CERS3: variants seen among roughly 807,000 people sequenced by gnomAD.
CERS3 encodes LAG1 homolog, ceramide synthase 3.
In CERS3, 33 loss-of-function variants were observed where a neutral mutation model predicts 50.3. The observed-to-expected ratio is 0.66, with a 90% CI of 0.50 to 0.88. The LOEUF (loss-of-function observed/expected upper bound fraction) is 0.88. CERS3 is among the 40% of genes least tolerant of loss of function. The pLI is 0.00. For synonymous variants in CERS3, 176 were observed against 155.2 expected, an observed-to-expected ratio of 1.13 and a Z score of -0.99; for missense variants, 470 against 460.3, an observed-to-expected ratio of 1.02 and a Z score of -0.19.
intron 11 of CERS3, among the ~76,000 whole-genome samples, chr15:100,445,964 C>G (rs1003537775): frequency 2.6e-5 from 4 of 152,174 alleles, no homozygotes; most frequent in Admixed American, 2.0e-4. Flanking sequence ...AATTCCTTCT[C>G]CTGGCTCATC....
chr15:100,506,747 G>T (rs2036195956), intron 2 of CERS3, among the ~76,000 whole-genome samples: 1 of 152,168 alleles, frequency 6.6e-6, no homozygotes, highest in Non-Finnish European at 1.5e-5. Flanking sequence ...TAGGTTAGTA[G>T]CTCCTCAGTG....
At chr15:100,507,375 T>C (rs2654617) in intron 2 of CERS3, among the ~76,000 whole-genome samples, 144,463 of 152,064 alleles carry the variant, frequency 0.95, 68,780 homozygotes, top group Middle Eastern at 0.99. Context: ...GCCTCATCTT[T>C]TCTCAAGATG....
chr15:100,445,877 G>A (rs1210719922), intron 11 of CERS3, among the ~76,000 whole-genome samples: 4 of 152,098 alleles, frequency 2.6e-5, no homozygotes, highest in Non-Finnish European at 5.9e-5. Flanking sequence ...GCCTGTTCCT[G>A]CCGTAACTGA....
At chr15:100,453,213 G>T (rs777406599) in intron 11 of CERS3, among the ~76,000 whole-genome samples, 4 of 151,942 alleles carry the variant, frequency 2.6e-5, no homozygotes, top group Non-Finnish European at 4.4e-5. Context: ...AATACTACAG[G>T]TCAATATCCC....
chr15:100,519,055 A>G (rs562710945), intron 2 of CERS3, among the ~76,000 whole-genome samples: 3 of 151,994 alleles, frequency 2.0e-5, no homozygotes, highest in African/African-American at 7.3e-5. Context: ...GCTACTCAGG[A>G]TGCTGAGGCA....
intron 9 of CERS3, 39 bp from the exon 10 acceptor site, chr15:100,469,523 G>A (rs756732139): frequency 8.1e-6 from 11 of 1,358,058 alleles, no homozygotes; most frequent in Non-Finnish European, 1.1e-5. Context: ...AGTGACAATA[G>A]CCTACATTTT....
rs79419976 is a variant in CERS3, at chr15:100,402,135, T to C, written c.*578A>G. ...TGACCCCACGGTTGACAGTGTGTACTTAAACTTCTGTGATCTCACTTAATC... is the reference window on the plus strand; with the variant it reads ...TGACCCCACGGTTGACAGTGTGTACCTAAACTTCTGTGATCTCACTTAATC... On this transcript the variant is annotated 3_prime_UTR_variant, in exon 12 of 12. Transcript: ENST00000679737. The C allele has an allele frequency of 6.3e-3, 964 of 152,774 alleles. 3 individuals carry two copies. Among genetic ancestry groups the C allele is most frequent in the Non-Finnish European group, 0.01 (708 of 68,412 alleles). 9.5% of individuals were successfully genotyped at this position (152,774 alleles called of 1,614,324 possible).
In CERS3 at chr15:100,442,635, A is replaced by T. The variant is rs1039729313; in HGVS notation, c.999+13258T>A. Among the ~76,000 whole-genome samples the T allele has an allele frequency of 2.9e-4, 43 of 149,376 alleles. 2 individuals are homozygous for T. Among genetic ancestry groups the T allele is most frequent in the Non-Finnish European group, 3.0e-5 (2 of 66,794 alleles). On this transcript the variant is annotated intron_variant, in intron 11 of 11. Transcript: ENST00000679737. ...ATTCCTCCTAAGCCGTGTCCTGTCT[A>T]TGCGGGACCCCACTGAAAATCAGAC... is the stretch of plus-strand genomic sequence containing the variant.
intron 11 of CERS3, among the ~76,000 whole-genome samples, chr15:100,404,830 C>T (rs2030863314): frequency 6.6e-6 from 1 of 152,114 alleles, no homozygotes; most frequent in South Asian, 2.1e-4. Context: ...ACAAATATGG[C>T]TGATTGAATT....
chr15:100,479,456 C>G lies in CERS3; in HGVS notation c.488G>C (p.Trp163Ser). 6.2e-7 allele frequency: 1 copy of G among 1,600,208 alleles called. No individual in the cohort carries two copies. The highest frequency in any genetic ancestry group is 8.5e-7 in the Non-Finnish European group (1 of 1,175,020). The change falls in exon 7 of 12, where the codon TGG becomes TCG. Residue 163 changes from tryptophan to serine, a missense_variant. Coordinates refer to ENST00000679737, the MANE Select transcript of CERS3 (RefSeq NM_001378789.1). ...LYDKPWLYDLWEVWNGYPKQP... is the reference protein window; with the variant it reads ...LYDKPWLYDLSEVWNGYPKQP... ...TTTGGGATAGCCATTCCAAACCTCC[C>G]ATAAGTCATATAGCCAAGGTTTCTG...
chr15:100,479,659 C>G lies in CERS3; in HGVS notation c.466-181G>C, dbSNP rs2654573. On this transcript the variant is annotated intron_variant, in intron 6 of 11. Coordinates refer to ENST00000679737, the MANE Select transcript of CERS3 (RefSeq NM_001378789.1). ...TTGCACGTATTTCTCCCTCTGTAGA[C>G]TATTTCTTACATATTCCTATATAAC... 0.88 allele frequency among the ~76,000 whole-genome samples: 133,730 copies of G among 152,188 alleles called. 59,336 individuals are homozygous for G. The highest frequency in any genetic ancestry group is 0.96 in the South Asian group (4,622 of 4,828).
intron 1 of CERS3, among the ~76,000 whole-genome samples, chr15:100,538,512 C>T (rs543389147): frequency 3.4e-4 from 52 of 152,256 alleles, no homozygotes; most frequent in Non-Finnish European, 5.1e-4. Flanking sequence ...AGCCCCAACA[C>T]CACATGTAAA....
chr15:100,529,846 C>A (rs1055797553), upstream of CERS3, among the ~76,000 whole-genome samples: 3 of 152,196 alleles, frequency 2.0e-5, no homozygotes, highest in South Asian at 4.1e-4. Context: ...TCTTCAACTG[C>A]TGAAAGACAT....
chr15:100,503,558 C>T (rs1467414836), intron 2 of CERS3, among the ~76,000 whole-genome samples: 2 of 152,164 alleles, frequency 1.3e-5, no homozygotes, highest in African/African-American at 4.8e-5. Flanking sequence ...ATTTGGTAGC[C>T]AGCTCCTCTG....
intron 1 of CERS3, chr15:100,544,178 A>T (rs1264447232): frequency 6.6e-6 from 1 of 152,422 alleles, no homozygotes; most frequent in Admixed American, 6.5e-5. Context: ...CCCTCTTCTC[A>T]ATTTGCAACG....
chr15:100,440,215 T>A (rs2033618096), intron 11 of CERS3, among the ~76,000 whole-genome samples: 1 of 152,188 alleles, frequency 6.6e-6, no homozygotes, highest in African/African-American at 2.4e-5. Flanking sequence ...TTAACTTGTC[T>A]CAGTTACTTC....
chr15:100,421,399 G>A (rs1871949447), intron 11 of CERS3, among the ~76,000 whole-genome samples: 1 of 151,958 alleles, frequency 6.6e-6, no homozygotes, highest in Non-Finnish European at 1.5e-5. Flanking sequence ...CCTCTTCAAG[G>A]AGAACTACAA....
At chr15:100,437,247 C>T (rs1234760562) in intron 11 of CERS3, among the ~76,000 whole-genome samples, 2 of 152,066 alleles carry the variant, frequency 1.3e-5, no homozygotes, top group South Asian at 2.1e-4. Flanking sequence ...ACCTGGCCTA[C>T]ATTGACAGCA....
chr15:100,495,665 A>T (rs1047938210), intron 3 of CERS3, among the ~76,000 whole-genome samples: 1 of 152,166 alleles, frequency 6.6e-6, no homozygotes, highest in African/African-American at 2.4e-5. Flanking sequence ...AGTTATTTAT[A>T]TATTCTGAAT....
Sources: allele counts gnomAD v4.1 joint callset (sites outside exome capture counted in the v4.1 genomes callset), GRCh38; gene constraint gnomAD v4.1.1; transcripts MANE v1.5; gene names NCBI Gene and HGNC (gene_info 2026-07-23, HGNC 2026-07-21).